ABLIM1: variants seen among roughly 807,000 people sequenced by gnomAD.
ABLIM1 encodes actin binding LIM protein 1.
In ABLIM1, 40 loss-of-function variants were observed where a neutral mutation model predicts 107.0. The observed-to-expected ratio is 0.37, with a 90% CI of 0.29 to 0.49. The LOEUF is 0.49. Ranked by LOEUF, ABLIM1 falls within the 20% of genes least tolerant of loss-of-function variation. ABLIM1 has a pLI of 0.97. For missense variants in ABLIM1, 857 were observed against 1,008.5 expected (o/e 0.85, Z 2.04); for synonymous variants, 357 against 357.3 (o/e 1.00, Z 0.01).
At chr10:114,641,620 A>C (rs1254412441) in intron 1 of ABLIM1, among the ~76,000 whole-genome samples, 2 of 152,208 alleles carry the variant, frequency 1.3e-5, no homozygotes, top group Non-Finnish European at 2.9e-5. Flanking sequence ...TAGTAGAGGA[A>C]GGCCTCTTTG....
intron 1 of ABLIM1, among the ~76,000 whole-genome samples, chr10:114,642,394 T>C (rs1398081776): frequency 6.6e-5 from 10 of 151,866 alleles, no homozygotes; most frequent in African/African-American, 2.4e-4. Flanking sequence ...AATTAAGAAA[T>C]AAAAACCAAG....
At chr10:114,632,231 C>T (rs1360413506) in intron 1 of ABLIM1, 2 of 985,286 alleles carry the variant, frequency 2.0e-6, no homozygotes, top group African/African-American at 3.5e-5. Context: ...ATGCAAAATT[C>T]TACTGTCCTA....
intron 1 of ABLIM1, among the ~76,000 whole-genome samples, chr10:114,763,002 A>G (rs1165959083): frequency 6.6e-6 from 1 of 152,228 alleles, no homozygotes; most frequent in Non-Finnish European, 1.5e-5. Flanking sequence ...GACAGCACAC[A>G]TGAGTTATTT....
chr10:114,505,579 TA>T (rs1407099271), intron 6 of ABLIM1, among the ~76,000 whole-genome samples: 25 of 152,368 alleles, frequency 1.6e-4, no homozygotes, highest in African/African-American at 5.5e-4. Context: ...AAGTGCCCTT[TA>T]TTTAATATCT....
Position 114,652,864 on chromosome 10 carries a change from T to C in ABLIM1, c.244+5093A>G, listed in dbSNP as rs183911089. On this transcript the variant is annotated intron_variant, in intron 1 of 22. Transcript: ENST00000533213. ...TACAGGAGAGTAAGGGAACATTCCA[T>C]ACAGACAGCTTGTATTTACGAGCTA... Among the ~76,000 whole-genome samples, 30 of 152,356 alleles carry C rather than the reference T, an allele frequency of 2.0e-4. No individual in the cohort carries two copies. The East Asian group carries it at 3.5e-3, about 18-fold the overall frequency.
the ABLIM1 span, among the ~76,000 whole-genome samples, chr10:114,794,226 C>T: frequency 2.0e-5 from 3 of 152,180 alleles, no homozygotes; most frequent in Non-Finnish European, 2.9e-5. Flanking sequence ...TATTCGTGTT[C>T]GCTATCCTCT....
intron 2 of ABLIM1, among the ~76,000 whole-genome samples, chr10:114,584,135 A>AAAAAGAAAAAAGAAAAG (rs1555188627): frequency 3.1e-4 from 46 of 149,316 alleles, no homozygotes; most frequent in African/African-American, 1.1e-3. Context: ...AAAATTAAGA[A>AAAAAGAAAAAAGAAAAG]AAAAGAAAAG....
intron 4 of ABLIM1, among the ~76,000 whole-genome samples, chr10:114,569,727 T>C (rs2071365613): frequency 6.6e-6 from 1 of 152,196 alleles, no homozygotes; most frequent in Admixed American, 6.5e-5. Flanking sequence ...AGGCTAACTG[T>C]ATCTCTTGTG....
intron 2 of ABLIM1, among the ~76,000 whole-genome samples, chr10:114,597,030 G>A (rs1166614337): frequency 6.6e-6 from 1 of 152,168 alleles, no homozygotes; most frequent in South Asian, 2.1e-4. Flanking sequence ...TGTGCACTCA[G>A]CCAGGTCTTG....
intron 4 of ABLIM1, among the ~76,000 whole-genome samples, chr10:114,564,031 C>T (rs1591243976): frequency 1.3e-5 from 2 of 149,840 alleles, no homozygotes; most frequent in African/African-American, 2.5e-5. Flanking sequence ...TCCCCCCAAC[C>T]TTGATCCCTG....
intron 1 of ABLIM1, among the ~76,000 whole-genome samples, chr10:114,725,122 G>A (rs1192909632): frequency 6.6e-6 from 1 of 152,124 alleles, no homozygotes; most frequent in Admixed American, 6.6e-5. Flanking sequence ...GCATTTAAGA[G>A]TGTATTTTTA....
chr10:114,624,202 C>T (rs1051539083), intron 1 of ABLIM1, among the ~76,000 whole-genome samples: 3 of 152,220 alleles, frequency 2.0e-5, no homozygotes, highest in Non-Finnish European at 4.4e-5. Flanking sequence ...ACTGAACCTT[C>T]TGAAAAGTTC....
At chr10:114,755,220 C>G (rs912732707) in intron 1 of ABLIM1, among the ~76,000 whole-genome samples, 4 of 152,144 alleles carry the variant, frequency 2.6e-5, no homozygotes, top group African/African-American at 9.7e-5. Context: ...ACTGTGCATG[C>G]GAAGGATATA....
chr10:114,600,361 G>A (rs755040112), intron 2 of ABLIM1, among the ~76,000 whole-genome samples: 12 of 152,248 alleles, frequency 7.9e-5, no homozygotes, highest in Middle Eastern at 3.4e-3. Context: ...CTTGTCATGC[G>A]CTGAGCATTG....
the ABLIM1 span, chr10:114,779,554 T>G: frequency 6.6e-6 from 1 of 152,252 alleles, no homozygotes; most frequent in Non-Finnish European, 1.5e-5. Context: ...CATACATATA[T>G]ACATTATGTG....
At chr10:114,561,330 G>C in intron 4 of ABLIM1, among the ~76,000 whole-genome samples, 1 of 152,172 alleles carries the variant, frequency 6.6e-6, no homozygotes, top group Admixed American at 6.5e-5. Flanking sequence ...CTTTCATCAC[G>C]TGACCTGTCA....
At chr10:114,499,406 C>G (rs2060095790) in intron 6 of ABLIM1, among the ~76,000 whole-genome samples, 1 of 152,092 alleles carries the variant, frequency 6.6e-6, no homozygotes. Flanking sequence ...CTTAGAATCC[C>G]CAAAGGAATA....
At chr10:114,438,818 A>C (rs2059782908) in intron 21 of ABLIM1, among the ~76,000 whole-genome samples, 2 of 152,188 alleles carry the variant, frequency 1.3e-5, no homozygotes, top group African/African-American at 4.8e-5. Context: ...AGGTTCTTGA[A>C]ATGCAGGGCT....
At chr10:114,761,709 C>A (rs1013166141) in intron 1 of ABLIM1, among the ~76,000 whole-genome samples, 4 of 152,150 alleles carry the variant, frequency 2.6e-5, no homozygotes, top group African/African-American at 9.7e-5. Context: ...CTCCCAACTC[C>A]ACTGAGATCT....
Sources: gnomAD v4.1 joint callset for allele counts (sites outside exome capture counted in the v4.1 genomes callset) on GRCh38, gnomAD v4.1.1 for gene constraint, MANE v1.5 for transcripts, NCBI Gene and HGNC (gene_info 2026-07-23, HGNC 2026-07-21) for gene names.